The following ADAMTS9 variants were observed in gnomAD, a reference collection of about 807,000 sequenced individuals.
ADAMTS9 encodes the protein A disintegrin and metalloproteinase with thrombospondin motifs 9.
In ADAMTS9, 107 loss-of-function variants were observed where a neutral mutation model predicts 257.1. The observed-to-expected ratio is 0.42, with a 90% CI of 0.36 to 0.49. The LOEUF (loss-of-function observed/expected upper bound fraction) is 0.49, where lower values mean the gene tolerates loss of function less well. Among genes scored for constraint, ADAMTS9 ranks in the 20% least tolerant of loss-of-function variants. ADAMTS9 has a pLI of 0.03. For missense variants in ADAMTS9, 2,353 were observed against 2,469.1 expected (o/e 0.95, Z 1.00); for synonymous variants, 982 against 880.9 (o/e 1.11, Z -2.03).
chr3:64,565,683 G>A, intron 29 of ADAMTS9: 1 of 152,112 alleles, frequency 6.6e-6, no homozygotes, highest in East Asian at 1.9e-4. Flanking sequence ...TTGTATCATG[G>A]GAATATTGAG....
chr3:64,659,473 CA>C (rs60660621), intron 3 of ADAMTS9, among the ~76,000 whole-genome samples: 24,148 of 91,568 alleles, frequency 0.26, 1,724 homozygotes, highest in South Asian at 0.33. Context: ...CTGTCTCAAA[CA>C]AAAAAAAAAA....
chr3:64,633,533 ACT>A lies in ADAMTS9; in HGVS notation c.2112_2113del (p.Arg704SerfsTer13), dbSNP rs1700421761. The A allele has an allele frequency of 6.2e-7, 1 of 1,613,600 alleles. No homozygotes were observed. Among genetic ancestry groups the A allele is most frequent in the Non-Finnish European group, 8.5e-7 (1 of 1,179,948 alleles). On this transcript the variant is annotated frameshift_variant, in exon 14 of 40. Coordinates refer to ENST00000498707, the MANE Select transcript of ADAMTS9 (RefSeq NM_182920.2). LOFTEE classifies it high-confidence loss of function. ...CTGGCCACAAGGAGTTCCATCTATCACTCTGTCTCGAAGCTGATAGTAGGCTG... is the reference window on the plus strand; with the variant it reads ...CTGGCCACAAGGAGTTCCATCTATCACTGTCTCGAAGCTGATAGTAGGCTG...
At chr3:64,614,671 T>C (rs1447591430) in intron 21 of ADAMTS9, among the ~76,000 whole-genome samples, 2 of 152,244 alleles carry the variant, frequency 1.3e-5, no homozygotes, top group South Asian at 4.1e-4. Flanking sequence ...GCTGTGTTAA[T>C]AGTGAGTGCT....
chr3:64,605,526 G>A (rs2084542011), intron 23 of ADAMTS9, among the ~76,000 whole-genome samples: 1 of 152,184 alleles, frequency 6.6e-6, no homozygotes, highest in African/African-American at 2.4e-5. Flanking sequence ...AGGGTGTTCA[G>A]GATGGAGATA....
intron 26 of ADAMTS9, among the ~76,000 whole-genome samples, chr3:64,599,591 T>C (rs762365444): frequency 3.9e-5 from 6 of 152,190 alleles, no homozygotes; most frequent in South Asian, 2.1e-4. Context: ...CTCTGCCCTA[T>C]TGTGGTCAGA....
intron 8 of ADAMTS9, among the ~76,000 whole-genome samples, chr3:64,653,074 C>T (rs1265425638): frequency 6.6e-6 from 1 of 152,172 alleles, no homozygotes. Context: ...CTGAGACAAT[C>T]CAAAATCCAA....
intron 25 of ADAMTS9, among the ~76,000 whole-genome samples, chr3:64,603,393 C>T (rs555465057): frequency 4.0e-5 from 6 of 148,344 alleles, no homozygotes; most frequent in Admixed American, 3.4e-4. Context: ...AAACAAGAAG[C>T]TGCCTAAAGA....
Position 64,546,783 on chromosome 3 carries a change from G to A in ADAMTS9, c.5039C>T (p.Thr1680Ile), listed in dbSNP as rs753629413. 5 of 1,609,052 alleles carry A rather than the reference G, an allele frequency of 3.1e-6. No homozygotes were observed. Among genetic ancestry groups the A allele is most frequent in the African/African-American group, 2.7e-5 (2 of 74,930 alleles). Reference protein sequence around the residue: ...CYLRDCPVSATWRVGNWGSCS... With the variant: ...CYLRDCPVSAIWRVGNWGSCS... ...GCTCCCCCAGTTGCCAACTCTCCAG[G>A]TGGCCGAGACAGGGCAGTCCCTCAG... Residue 1680 changes from threonine to isoleucine, a missense_variant, in exon 32 of 40, where the codon ACC becomes ATC. Around this residue, in one of 3 missense-constraint regions of ADAMTS9, gnomAD observed 1,402 missense variants for 1,441.4 expected, o/e 0.97. Coordinates refer to ENST00000498707, the MANE Select transcript of ADAMTS9 (RefSeq NM_182920.2).
At chr3:64,595,877 C>T (rs771486030) in intron 27 of ADAMTS9, among the ~76,000 whole-genome samples, 28 of 152,108 alleles carry the variant, frequency 1.8e-4, no homozygotes, top group Non-Finnish European at 2.8e-4. Context: ...GACAGAACAA[C>T]TCAACAAACT....
intron 15 of ADAMTS9, 118 bp from the exon 16 acceptor site, chr3:64,631,668 G>T: frequency 8.6e-7 from 1 of 1,165,678 alleles, no homozygotes; most frequent in Non-Finnish European, 1.3e-6. Flanking sequence ...TCTATTAGGT[G>T]CCTTCTAGTC....
At chr3:64,644,375 C>T (rs1700733499) in intron 11 of ADAMTS9, among the ~76,000 whole-genome samples, 2 of 152,138 alleles carry the variant, frequency 1.3e-5, no homozygotes, top group South Asian at 2.1e-4. Flanking sequence ...ACACATGCTG[C>T]CTCTTAACTG....
chr3:64,601,185 C>A (rs1287073259), intron 26 of ADAMTS9, among the ~76,000 whole-genome samples: 2 of 152,140 alleles, frequency 1.3e-5, no homozygotes, highest in African/African-American at 4.8e-5. Context: ...AGACAACTGT[C>A]GACATTTATT....
At position 64,615,295 on chromosome 3, in the gene ADAMTS9, G is replaced by A. The variant is rs115957265; in HGVS notation, c.3189+26C>T. On this transcript the variant is annotated intron_variant, in intron 21 of 39. Transcript: ENST00000498707. ...AACTAGAATGTAAGAGATGACCTAGGGGAAATAACAGCCCTCCCATCTTAC... is the reference window on the plus strand; with the variant it reads ...AACTAGAATGTAAGAGATGACCTAGAGGAAATAACAGCCCTCCCATCTTAC... 791 of 1,609,922 alleles carry A rather than the reference G, an allele frequency of 4.9e-4. 2 individuals are homozygous for A. In the African/African-American group the frequency reaches 9.4e-3, roughly 19 times the overall value.
intron 38 of ADAMTS9, among the ~76,000 whole-genome samples, chr3:64,525,660 C>T (rs902402337): frequency 5.3e-5 from 8 of 151,800 alleles, no homozygotes; most frequent in African/African-American, 1.9e-4. Context: ...ACCCAGGCTG[C>T]AGTGCAATGG....
At chr3:64,625,315 T>C (rs1700200200) in intron 16 of ADAMTS9, among the ~76,000 whole-genome samples, 1 of 152,208 alleles carries the variant, frequency 6.6e-6, no homozygotes, top group Admixed American at 6.5e-5. Flanking sequence ...AACTCATCTT[T>C]CATTGATGCA....
intron 28 of ADAMTS9, among the ~76,000 whole-genome samples, chr3:64,586,375 A>G (rs1220033835): frequency 6.6e-6 from 1 of 152,190 alleles, no homozygotes; most frequent in African/African-American, 2.4e-5. Flanking sequence ...TCCTTTGTGG[A>G]TAACTGAAGC....
chr3:64,574,264 G>A (rs1195402386), intron 28 of ADAMTS9, among the ~76,000 whole-genome samples: 1 of 152,166 alleles, frequency 6.6e-6, no homozygotes, highest in Non-Finnish European at 1.5e-5. Flanking sequence ...ATTATGAGCA[G>A]GATATTGGGA....
At position 64,574,573 on chromosome 3, in the gene ADAMTS9, A is replaced by AAG. The variant is rs1327274004; in HGVS notation, c.4357-6039_4357-6038insCT. ...CCCCATCTCTACAAAAAAAAAAAAA[A>AAG]AAAAGAAAAATTAGCTGGGCATGGT... On this transcript the variant is annotated intron_variant, in intron 28 of 39. Transcript: ENST00000498707. 7.1e-4 allele frequency among the ~76,000 whole-genome samples: 108 copies of AAG among 151,756 alleles called. 1 individual carries two copies. In the East Asian group the frequency reaches 9.7e-3, roughly 14 times the overall value.
At chr3:64,635,841 C>T (rs1210075476) in intron 12 of ADAMTS9, among the ~76,000 whole-genome samples, 1 of 152,020 alleles carries the variant, frequency 6.6e-6, no homozygotes, top group Non-Finnish European at 1.5e-5. Context: ...ACCAAGGCAC[C>T]CCAGTCTCAT....
Sources: allele counts gnomAD v4.1 joint callset (sites outside exome capture counted in the v4.1 genomes callset), GRCh38; gene constraint gnomAD v4.1.1; regional missense constraint gnomAD v4.1.1; transcripts MANE v1.5; gene names NCBI Gene and HGNC (gene_info 2026-07-23, HGNC 2026-07-21).